The following MYH10 variants were observed in gnomAD, a reference collection of about 807,000 sequenced individuals.
The protein encoded by MYH10 is myosin-10.
MYH10 carries 55 observed loss-of-function variants against 257.8 expected under a neutral mutation model. That is an observed-to-expected ratio of 0.21 (90% CI 0.17 to 0.27). The LOEUF is 0.27. Ranked by LOEUF, MYH10 falls within the 10% of genes least tolerant of loss-of-function variation. The probability of loss-of-function intolerance (pLI) is 1.00; values close to 1 mark genes in which losing one functional copy is unlikely to be tolerated. For synonymous variants in MYH10, 854 were observed against 921.7 expected (o/e 0.93, Z 1.33); for missense variants, 1,631 against 2,500.6 (o/e 0.65, Z 7.42).
At position 8,611,774 on chromosome 17, in the gene MYH10, G is replaced by A. The variant is rs891595027; in HGVS notation, c.346-6792C>T. Among the ~76,000 whole-genome samples, 4 of 152,162 alleles carry A rather than the reference G, an allele frequency of 2.6e-5. 1 individual carries two copies. The highest frequency in any genetic ancestry group is 3.9e-4 in the East Asian group (2 of 5,192). ...AGACCCAGATGGGACGAGGTGAAAC[G>A]ATCTGGAGCATGTGAAGTATGTGAG... On this transcript the variant is annotated intron_variant, in intron 2 of 42. Transcript: ENST00000360416.
rs1429161578 is a variant in MYH10 at position 8,520,933 on chromosome 17, G to A, written c.2218C>T (p.Arg740Ter). 1.2e-6 allele frequency: 2 copies of A among 1,613,792 alleles called. No homozygotes were observed. Among genetic ancestry groups the A allele is most frequent in the Non-Finnish European group, 1.7e-6 (2 of 1,179,772 alleles). ...TTAGGGAAGCCCTGGCGACAGATTC[G>A]GATCCCTTCCAGGACACCGTTACAG... is the stretch of plus-strand genomic sequence containing the variant. ...LRCNGVLEGI[R>*]ICRQGFPNRI... The change falls in exon 19 of 43, where the codon CGA becomes TGA. Residue 740 changes from arginine (R) to a stop codon, truncating the protein, a stop_gained. Coordinates refer to ENST00000360416, the MANE Select transcript of MYH10 (RefSeq NM_001256012.3). LOFTEE classifies it high-confidence loss of function.
intron 27 of MYH10, 135 bp from the exon 28 acceptor site, chr17:8,505,041 G>T: frequency 1.4e-6 from 1 of 735,306 alleles, no homozygotes; most frequent in Non-Finnish European, 2.3e-6. Flanking sequence ...CCTGAGGCTG[G>T]TGCAGATGCT....
At chr17:8,560,911 C>T (rs765091381) in intron 7 of MYH10, 22 of 491,556 alleles carry the variant, frequency 4.5e-5, no homozygotes, top group Non-Finnish European at 8.0e-5. Context: ...GCTCTGGGTC[C>T]GGGAATGGTG....
At chr17:8,515,403 T>C (rs8070187) in intron 21 of MYH10, among the ~76,000 whole-genome samples, 146,636 of 152,248 alleles carry the variant, frequency 0.96, 70,869 homozygotes, top group East Asian at 1. Flanking sequence ...CCACAACTGC[T>C]ATACTGCCAA....
chr17:8,571,675 T>C (rs2152006071), intron 6 of MYH10, among the ~76,000 whole-genome samples: 1 of 151,818 alleles, frequency 6.6e-6, no homozygotes, highest in African/African-American at 2.4e-5. Flanking sequence ...GGAGAATCGC[T>C]TGAACCGAGG....
chr17:8,485,384 A>C (rs1425284805), intron 36 of MYH10, among the ~76,000 whole-genome samples: 1 of 152,014 alleles, frequency 6.6e-6, no homozygotes, highest in Non-Finnish European at 1.5e-5. Context: ...AGAAGACTTA[A>C]TATTGTTAAA....
At chr17:8,594,542 A>G (rs894983634) in intron 3 of MYH10, among the ~76,000 whole-genome samples, 1 of 152,200 alleles carries the variant, frequency 6.6e-6, no homozygotes, top group African/African-American at 2.4e-5. Flanking sequence ...AAAGTTAAAC[A>G]CACATCTACC....
intron 24 of MYH10, among the ~76,000 whole-genome samples, chr17:8,510,315 T>A (rs2081222445): frequency 6.6e-6 from 1 of 152,122 alleles, no homozygotes; most frequent in South Asian, 2.1e-4. Flanking sequence ...TAATTTTTGA[T>A]TCTCAAAATG....
chr17:8,478,938 G>A (rs1158186161), intron 40 of MYH10, among the ~76,000 whole-genome samples: 1 of 152,156 alleles, frequency 6.6e-6, no homozygotes, highest in Non-Finnish European at 1.5e-5. Flanking sequence ...TACTACGTTG[G>A]CCAGGCTGGT....
At chr17:8,607,221 A>G (rs1046696338) in intron 2 of MYH10, among the ~76,000 whole-genome samples, 3 of 152,224 alleles carry the variant, frequency 2.0e-5, no homozygotes, top group African/African-American at 7.2e-5. Flanking sequence ...TATACTCTTC[A>G]ATTTTATAAA....
intron 6 of MYH10, among the ~76,000 whole-genome samples, chr17:8,571,200 A>T (rs12943190): frequency 3.6e-5 from 5 of 138,086 alleles, no homozygotes; most frequent in Non-Finnish European, 4.6e-5. Flanking sequence ...TTTGAGACGG[A>T]GACTCACTCT....
At chr17:8,482,579 A>AGG (rs1914020326) in intron 37 of MYH10, among the ~76,000 whole-genome samples, 1 of 152,174 alleles carries the variant, frequency 6.6e-6, no homozygotes, top group South Asian at 2.1e-4. Flanking sequence ...GTGGGGCTCT[A>AGG]GGCAGACTGA....
At chr17:8,527,443 C>T (rs1430608540) in intron 17 of MYH10, among the ~76,000 whole-genome samples, 1 of 152,252 alleles carries the variant, frequency 6.6e-6, no homozygotes, top group African/African-American at 2.4e-5. Flanking sequence ...ACAGCTTCCA[C>T]TGTGCTCTGC....
At position 8,476,964 on chromosome 17, in the gene MYH10, G is replaced by T. The variant is rs763174636; in HGVS notation, c.5791C>A (p.Arg1931=). 3.1e-6 allele frequency: 5 copies of T among 1,613,946 alleles called. No homozygotes were observed. Among genetic ancestry groups the T allele is most frequent in the Non-Finnish European group, 4.2e-6 (5 of 1,180,052 alleles). ...TCCAGTTCCCGCTGGAGTTTACGCC[G>T]AGATGCGTTGGCACGCGTCGCTTCT... ...EEEATRANAS[R]RKLQRELDDA... The change falls in exon 42 of 43, where the codon CGG becomes AGG. Residue 1931 remains arginine (R), a synonymous_variant. Transcript: ENST00000360416.
chr17:8,571,260 C>T lies in MYH10; in HGVS notation c.664-1448G>A, dbSNP rs575741299. ...CGCGATCTCGGCTCACTGCAAACTC[C>T]GTCTCCTGGGTTCATGCCATTCTCC... On this transcript the variant is annotated intron_variant, in intron 6 of 42. Coordinates refer to ENST00000360416, the MANE Select transcript of MYH10 (RefSeq NM_001256012.3). Among the ~76,000 whole-genome samples, 77 of 150,784 alleles carry T rather than the reference C, an allele frequency of 5.1e-4. 1 individual carries two copies. The highest frequency in any genetic ancestry group is 1.7e-3 in the African/African-American group (70 of 41,072).
At chr17:8,574,312 C>T (rs549341027) in intron 6 of MYH10, among the ~76,000 whole-genome samples, 32 of 152,220 alleles carry the variant, frequency 2.1e-4, no homozygotes, top group Admixed American at 1.3e-3. Flanking sequence ...TCCATTCACA[C>T]GAAATGTCTA....
intron 2 of MYH10, 126 bp downstream of exon 2, chr17:8,622,776 A>C (rs1180353395): frequency 8.7e-7 from 1 of 1,151,076 alleles, no homozygotes; most frequent in East Asian, 2.6e-5. Context: ...TTCTATCTTA[A>C]AGAGAAATAG....
chr17:8,575,531 G>A (rs2083470456), intron 6 of MYH10, among the ~76,000 whole-genome samples: 1 of 152,180 alleles, frequency 6.6e-6, no homozygotes, highest in Non-Finnish European at 1.5e-5. Flanking sequence ...GGAGCAAAAG[G>A]ACATCATAGG....
At chr17:8,558,838 T>G (rs1256972482) in intron 7 of MYH10, among the ~76,000 whole-genome samples, 1 of 152,252 alleles carries the variant, frequency 6.6e-6, no homozygotes, top group Non-Finnish European at 1.5e-5. Context: ...GTCAACCCAA[T>G]GACTTCTCTC....
Sources: allele counts gnomAD v4.1 joint callset (sites outside exome capture counted in the v4.1 genomes callset), GRCh38; gene constraint gnomAD v4.1.1; transcripts MANE v1.5; gene names NCBI Gene and HGNC (gene_info 2026-07-23, HGNC 2026-07-21).